The following ERBB4 variants were observed in gnomAD, a reference collection of about 807,000 sequenced individuals.
ERBB4 encodes receptor tyrosine-protein kinase erbB-4.
A neutral mutation model predicts 158.0 loss-of-function variants in ERBB4; 42 were observed. The observed-to-expected ratio is 0.27, with a 90% CI of 0.21 to 0.34. The LOEUF is 0.34. Among genes scored for constraint, ERBB4 ranks in the 10% least tolerant of loss-of-function variants. The pLI, the probability that ERBB4 is intolerant of heterozygous loss-of-function variation, is 1.00. For synonymous variants in ERBB4, 583 were observed against 558.7 expected (o/e 1.04, Z -0.61); for missense variants, 1,333 against 1,624.1 (o/e 0.82, Z 3.08).
At chr2:211,398,905 G>A (rs1056737356) in intron 25 of ERBB4, among the ~76,000 whole-genome samples, 6 of 152,138 alleles carry the variant, frequency 3.9e-5, no homozygotes, top group Non-Finnish European at 8.8e-5. Context: ...TTGTGGCATT[G>A]GAGGCTTTGG....
intron 2 of ERBB4, among the ~76,000 whole-genome samples, chr2:212,122,837 G>A (rs2079799043): frequency 6.6e-6 from 1 of 151,790 alleles, no homozygotes; most frequent in African/African-American, 2.4e-5. Context: ...ATTTACAATA[G>A]TCACAACTAT....
chr2:211,998,222 A>T (rs2076013990), intron 2 of ERBB4, among the ~76,000 whole-genome samples: 1 of 151,942 alleles, frequency 6.6e-6, no homozygotes, highest in Admixed American at 6.6e-5. Flanking sequence ...AGAATATAAC[A>T]AATGAAATAT....
rs772021853 is a variant in ERBB4 at position 211,399,581 on chromosome 2, C to A, written c.3136-11589G>T. 2.0e-5 allele frequency among the ~76,000 whole-genome samples: 3 copies of A among 152,144 alleles called. No homozygotes were observed. In the East Asian group the frequency reaches 5.8e-4, roughly 29 times the overall value. On this transcript the variant is annotated intron_variant, in intron 25 of 27. Transcript: ENST00000342788. ...TCTAGTACACTCTTCCTGTCAATAT[C>A]AGTTACTATTTCTGAAGCCATTGTT...
intron 2 of ERBB4, among the ~76,000 whole-genome samples, chr2:212,006,051 A>T (rs911874692): frequency 6.6e-6 from 1 of 152,188 alleles, no homozygotes; most frequent in Non-Finnish European, 1.5e-5. Flanking sequence ...ACTTAATTTA[A>T]ACCTGTACAA....
At chr2:212,257,810 T>G (rs1219905474) in intron 1 of ERBB4, among the ~76,000 whole-genome samples, 1 of 152,102 alleles carries the variant, frequency 6.6e-6, no homozygotes, top group Admixed American at 6.6e-5. Context: ...AGTTCCCACT[T>G]GTAAACAGAA....
chr2:211,462,372 T>C (rs949028703), intron 20 of ERBB4, among the ~76,000 whole-genome samples: 12 of 152,054 alleles, frequency 7.9e-5, no homozygotes, highest in Admixed American at 4.6e-4. Flanking sequence ...GGGACAGAGA[T>C]CCAAACCATA....
chr2:212,075,005 G>A (rs560363979), intron 2 of ERBB4, among the ~76,000 whole-genome samples: 1 of 152,016 alleles, frequency 6.6e-6, no homozygotes, highest in African/African-American at 2.4e-5. Flanking sequence ...TAGCTAAATT[G>A]TAGAACTAAG....
At chr2:212,192,551 G>T (rs1394652231) in intron 1 of ERBB4, among the ~76,000 whole-genome samples, 1 of 151,980 alleles carries the variant, frequency 6.6e-6, no homozygotes, top group African/African-American at 2.4e-5. Context: ...TTGGGCAAAT[G>T]GTGAGAAATG....
At chr2:211,591,097 G>C (rs2068447350) in intron 19 of ERBB4, among the ~76,000 whole-genome samples, 1 of 152,106 alleles carries the variant, frequency 6.6e-6, no homozygotes, top group Non-Finnish European at 1.5e-5. Context: ...AAATATTCTA[G>C]TGGCTACCCA....
chr2:211,674,342 T>G (rs2071970448), intron 13 of ERBB4, among the ~76,000 whole-genome samples: 1 of 152,148 alleles, frequency 6.6e-6, no homozygotes, highest in Non-Finnish European at 1.5e-5. Flanking sequence ...GCATTCACTT[T>G]TTTCTCATTT....
chr2:211,625,285 C>G (rs1041457117), intron 17 of ERBB4, among the ~76,000 whole-genome samples: 2 of 152,126 alleles, frequency 1.3e-5, no homozygotes, highest in African/African-American at 4.8e-5. Context: ...ACTACTCAAA[C>G]TGTCTTGAAC....
intron 5 of ERBB4, among the ~76,000 whole-genome samples, chr2:211,735,721 T>C (rs1011220943): frequency 6.6e-6 from 1 of 151,966 alleles, no homozygotes; most frequent in African/African-American, 2.4e-5. Flanking sequence ...GGGCCAACAC[T>C]GAAGTCTATA....
intron 3 of ERBB4, among the ~76,000 whole-genome samples, chr2:211,923,731 T>C (rs1364875854): frequency 6.6e-6 from 1 of 152,106 alleles, no homozygotes; most frequent in Non-Finnish European, 1.5e-5. Flanking sequence ...TATTGTATTG[T>C]ATTGTATTGA....
At chr2:211,984,793 G>A (rs2081895555) in intron 2 of ERBB4, among the ~76,000 whole-genome samples, 1 of 151,854 alleles carries the variant, frequency 6.6e-6, no homozygotes, top group South Asian at 2.1e-4. Flanking sequence ...CACGACCTTG[G>A]CTCACTGCAA....
At chr2:212,092,979 A>G (rs990672445) in intron 2 of ERBB4, among the ~76,000 whole-genome samples, 1 of 152,204 alleles carries the variant, frequency 6.6e-6, no homozygotes. Flanking sequence ...TAGGCAATAC[A>G]GAAACACAGG....
At chr2:212,019,968 T>C (rs2076612622) in intron 2 of ERBB4, among the ~76,000 whole-genome samples, 1 of 151,942 alleles carries the variant, frequency 6.6e-6, no homozygotes, top group Admixed American at 6.6e-5. Flanking sequence ...ATTTAAAAGG[T>C]AAATTTTATA....
chr2:211,747,802 T>C (rs1171944709), intron 5 of ERBB4, among the ~76,000 whole-genome samples: 2 of 151,916 alleles, frequency 1.3e-5, no homozygotes, highest in Non-Finnish European at 2.9e-5. Context: ...GAATAAATAT[T>C]CACCATCTAT....
intron 1 of ERBB4, among the ~76,000 whole-genome samples, chr2:212,457,711 A>G (rs1044783060): frequency 2.0e-5 from 3 of 152,080 alleles, no homozygotes; most frequent in African/African-American, 7.2e-5. Context: ...CTTTGGCTAG[A>G]ACCATTTGAA....
At chr2:211,696,058 CCT>C (rs1559428035) in intron 12 of ERBB4, among the ~76,000 whole-genome samples, 28 of 117,246 alleles carry the variant, frequency 2.4e-4, no homozygotes, top group African/African-American at 9.0e-4. Flanking sequence ...TCCCCCCCTC[CCT>C]CCCTCCCTCC....
Sources: gnomAD v4.1 joint callset for allele counts (sites outside exome capture counted in the v4.1 genomes callset) on GRCh38, gnomAD v4.1.1 for gene constraint, MANE v1.5 for transcripts, NCBI Gene and HGNC (gene_info 2026-07-23, HGNC 2026-07-21) for gene names.